PGBD2: variants seen among roughly 807,000 people sequenced by gnomAD.
PGBD2 encodes piggyBac transposable element-derived protein 2.
PGBD2 carries 6 observed loss-of-function variants against 8.1 expected under a neutral mutation model. That is an observed-to-expected ratio of 0.74 (90% CI 0.40 to 1.46). The LOEUF (loss-of-function observed/expected upper bound fraction) is 1.46. Ranked by LOEUF, PGBD2 falls within the 40% of genes most tolerant of loss-of-function variation. The pLI is 0.02. For synonymous variants in PGBD2, 318 were observed against 272.2 expected (o/e 1.17, Z -1.66); for missense variants, 802 against 739.0 (o/e 1.09, Z -0.99).
chr1:248,926,445 G>C, the PGBD2 span, among the ~76,000 whole-genome samples: 1 of 152,132 alleles, frequency 6.6e-6, no homozygotes. Context: ...TGGACAAAAT[G>C]GGCCTCCAGG....
At chr1:248,901,913 C>A (rs1418201032), upstream of PGBD2, among the ~76,000 whole-genome samples, 2 of 152,090 alleles carry the variant, frequency 1.3e-5, no homozygotes, top group Non-Finnish European at 2.9e-5. Context: ...AACAAATTTA[C>A]AAGAACAAAA....
the PGBD2 span, among the ~76,000 whole-genome samples, chr1:248,896,675 C>T: frequency 6.6e-6 from 1 of 152,314 alleles, no homozygotes; most frequent in East Asian, 1.9e-4. Context: ...TGATTAGAAG[C>T]AGCTGCAGTC....
chr1:248,887,285 T>C, the PGBD2 span, among the ~76,000 whole-genome samples: 1 of 152,170 alleles, frequency 6.6e-6, no homozygotes, highest in African/African-American at 2.4e-5. Context: ...GGATCCCAAA[T>C]TGCATTTGAT....
At chr1:248,914,385 A>T (rs1371884680) in intron 2 of PGBD2, 1 of 984,908 alleles carries the variant, frequency 1.0e-6, no homozygotes. Context: ...GTCCATGAGA[A>T]GGGCTTTTAA....
chr1:248,892,303 C>T, the PGBD2 span, among the ~76,000 whole-genome samples: 1 of 134,460 alleles, frequency 7.4e-6, no homozygotes, highest in Admixed American at 7.8e-5. Flanking sequence ...TCCTTCCCTT[C>T]CTTCCTTCTT....
At chr1:248,893,107 C>T in the PGBD2 span, among the ~76,000 whole-genome samples, 1 of 152,262 alleles carries the variant, frequency 6.6e-6, no homozygotes, top group South Asian at 2.1e-4. Flanking sequence ...GAAAATGGCA[C>T]ATAATTAATG....
chr1:248,875,315 A>G, the PGBD2 span, among the ~76,000 whole-genome samples: 3 of 139,380 alleles, frequency 2.2e-5, no homozygotes, highest in Non-Finnish European at 4.4e-5. Context: ...AAACAAAAAA[A>G]AAAAAAAAAA....
chr1:248,884,130 A>G, the PGBD2 span, among the ~76,000 whole-genome samples: 2 of 152,160 alleles, frequency 1.3e-5, no homozygotes, highest in Non-Finnish European at 2.9e-5. Flanking sequence ...CTAATTTTGT[A>G]AAAGGTAGAG....
chr1:248,914,498 C>G, intron 2 of PGBD2: 1 of 1,289,052 alleles, frequency 7.8e-7, no homozygotes, highest in Non-Finnish European at 1.0e-6. Flanking sequence ...GACAGTCAGT[C>G]TCCAGGAAGT....
At position 248,918,374 on chromosome 1, in the gene PGBD2, C is replaced by T. The variant is rs1662197523; in HGVS notation, c.*11C>T. The T allele has an allele frequency of 7.2e-6, 11 of 1,526,344 alleles. No individual in the cohort carries two copies. Among genetic ancestry groups the T allele is most frequent in the Non-Finnish European group, 9.7e-6 (11 of 1,138,422 alleles). The allele number at this position is 1,526,344 out of a possible 1,614,324, so 94.6% of individuals were successfully genotyped here. ...TACCACATCCGGTGACATCATGAGACATGCTTCTTTGGTTTATAATGAGAT... is the reference window on the plus strand; with the variant it reads ...TACCACATCCGGTGACATCATGAGATATGCTTCTTTGGTTTATAATGAGAT... On this transcript the variant is annotated 3_prime_UTR_variant, in exon 3 of 3. Coordinates refer to ENST00000329291, the MANE Select transcript of PGBD2 (RefSeq NM_170725.3).
chr1:248,879,155 T>C, the PGBD2 span, among the ~76,000 whole-genome samples: 4,338 of 152,336 alleles, frequency 0.028, 90 homozygotes, highest in Non-Finnish European at 0.04. Flanking sequence ...CGTAAGCTGC[T>C]CACAGCGCCT....
the PGBD2 span, among the ~76,000 whole-genome samples, chr1:248,886,588 G>C: frequency 3.9e-5 from 6 of 152,194 alleles, no homozygotes; most frequent in Non-Finnish European, 7.3e-5. Flanking sequence ...TGATTTTCAT[G>C]TTGGAGAATT....
chr1:248,895,684 A>AT, the PGBD2 span, among the ~76,000 whole-genome samples: 1 of 151,500 alleles, frequency 6.6e-6, no homozygotes, highest in Non-Finnish European at 1.5e-5. Context: ...CAATGTATAG[A>AT]TTTTTTTGTT....
At chr1:248,912,799 GA>G (rs1431501058) in intron 1 of PGBD2, 1 of 144,924 alleles carries the variant, frequency 6.9e-6, no homozygotes, top group Non-Finnish European at 1.5e-5. Flanking sequence ...TGAGCGCTCA[GA>G]TTTTTTTTTT....
chr1:248,898,658 T>C, the PGBD2 span, among the ~76,000 whole-genome samples: 1 of 152,114 alleles, frequency 6.6e-6, no homozygotes, highest in East Asian at 1.9e-4. Flanking sequence ...AAAAACACAC[T>C]GAAGTACACA....
chr1:248,900,313 C>T, the PGBD2 span, among the ~76,000 whole-genome samples: 6 of 152,104 alleles, frequency 3.9e-5, no homozygotes, highest in Non-Finnish European at 1.5e-5. Context: ...AGGCCAGTAT[C>T]CCTGATGAAC....
At chr1:248,873,827 C>G in the PGBD2 span, among the ~76,000 whole-genome samples, 5 of 152,314 alleles carry the variant, frequency 3.3e-5, no homozygotes, top group South Asian at 8.3e-4. Flanking sequence ...AAGTATGAGG[C>G]TAAGTGAGAA....
rs1662217152 is a variant in PGBD2, at chr1:248,918,893, T to G, written c.*530T>G. On this transcript the variant is annotated 3_prime_UTR_variant, in exon 3 of 3. Transcript: ENST00000329291. ...ATTTCATATTTTCTTAATGAAAATA[T>G]TTTCCTAATACACATATATCAATGT... 6.0e-6 allele frequency: 1 copy of G among 167,038 alleles called. No homozygotes were observed. The highest frequency in any genetic ancestry group is 1.5e-5 in the Non-Finnish European group (1 of 68,118). The allele number at this position is 167,038 out of a possible 1,614,324, so 10.3% of individuals were successfully genotyped here.
chr1:248,914,465 C>A, intron 2 of PGBD2: 1 of 1,287,140 alleles, frequency 7.8e-7, no homozygotes, highest in South Asian at 1.2e-5. Context: ...TACCTCACCT[C>A]CCTGGAGGTC....
Sources: gnomAD v4.1 joint callset for allele counts (sites outside exome capture counted in the v4.1 genomes callset) on GRCh38, gnomAD v4.1.1 for gene constraint, MANE v1.5 for transcripts, NCBI Gene and HGNC (gene_info 2026-07-23, HGNC 2026-07-21) for gene names.